The following SNX1 variants were observed in gnomAD, a reference collection of about 807,000 sequenced individuals.
The protein encoded by SNX1 is sorting nexin-1.
In SNX1, 36 loss-of-function variants were observed where a neutral mutation model predicts 71.8. The observed-to-expected ratio is 0.50, with a 90% CI of 0.38 to 0.66. The LOEUF (loss-of-function observed/expected upper bound fraction) is 0.66. SNX1 is among the 30% of genes least tolerant of loss of function. The pLI is 0.00. For synonymous variants in SNX1, 254 were observed against 240.7 expected (o/e 1.06, Z -0.51); for missense variants, 612 against 646.7 (o/e 0.95, Z 0.58).
Position 64,129,808 on chromosome 15 carries a change from A to T in SNX1, c.808-108A>T. On this transcript the variant is annotated intron_variant, in intron 8 of 14. Coordinates refer to ENST00000559844, the MANE Select transcript of SNX1 (RefSeq NM_003099.5). The surrounding 1 kb of genome is among the most constrained non-coding windows in gnomAD (Gnocchi z 4.4). ...CCTTTGAAAACAATTTACAGTTCAA[A>T]TAATTTGTCTGGCAAGTTTTGGCAT... 1.3e-6 allele frequency: 1 copy of T among 774,286 alleles called. No homozygotes were observed. The highest frequency in any genetic ancestry group is 2.3e-6 in the Non-Finnish European group (1 of 435,850). The allele number at this position is 774,286 out of a possible 1,614,324, so 48.0% of individuals were successfully genotyped here.
intron 4 of SNX1, among the ~76,000 whole-genome samples, chr15:64,119,999 A>G (rs1317762682): frequency 6.6e-6 from 1 of 152,168 alleles, no homozygotes; most frequent in Non-Finnish European, 1.5e-5. Context: ...ATCTTCAAAA[A>G]GCATAACACT....
intron 10 of SNX1, among the ~76,000 whole-genome samples, 184 bp downstream of exon 10, chr15:64,130,505 A>G (rs1326831590): frequency 3.3e-5 from 5 of 152,114 alleles, no homozygotes; most frequent in African/African-American, 4.8e-5. Flanking sequence ...ACATGATTCA[A>G]CCACTGTGGG....
chr15:64,137,458 T>G (rs1352488120), intron 14 of SNX1, 110 bp from the exon 15 acceptor site: 1 of 1,190,000 alleles, frequency 8.4e-7, no homozygotes, highest in African/African-American at 1.5e-5. Flanking sequence ...CCTGCCTTTG[T>G]GTGGCAGGCG....
chr15:64,126,165 G>A lies in SNX1; in HGVS notation c.597G>A (p.Glu199=), dbSNP rs746166562. 1 of 1,614,186 alleles carries A rather than the reference G, an allele frequency of 6.2e-7. No individual in the cohort carries two copies. The highest frequency in any genetic ancestry group is 1.1e-5 in the South Asian group (1 of 91,076). Residue 199 remains glutamate (E), a synonymous_variant, in exon 6 of 15, where the codon GAG becomes GAA. Coordinates refer to ENST00000559844, the MANE Select transcript of SNX1 (RefSeq NM_003099.5). Reference sequence around the variant, plus strand: ...TGGGTCTTTATGAGAAGCTTTCCGAGAAGCACTCTCAGAATGGCTTCATTG... The same window carrying A: ...TGGGTCTTTATGAGAAGCTTTCCGAAAAGCACTCTCAGAATGGCTTCATTG... The part of the protein sequence containing the change: ...DFLGLYEKLS[E]KHSQNGFIVP...
chr15:64,110,376 A>C (rs2081066645), intron 1 of SNX1, among the ~76,000 whole-genome samples: 1 of 152,092 alleles, frequency 6.6e-6, no homozygotes. Flanking sequence ...AAGGGAACAT[A>C]AGTCTGTTTT....
At chr15:64,132,741 AG>A (rs1328418286) in intron 11 of SNX1, among the ~76,000 whole-genome samples, 3 of 152,170 alleles carry the variant, frequency 2.0e-5, no homozygotes, top group Non-Finnish European at 4.4e-5. Context: ...ATCTCCCATT[AG>A]GGAGCTTGTG....
At chr15:64,106,949 TA>T (rs2081028803) in intron 1 of SNX1, among the ~76,000 whole-genome samples, 1 of 152,200 alleles carries the variant, frequency 6.6e-6, no homozygotes, top group Non-Finnish European at 1.5e-5. Flanking sequence ...GCAGCAGCAA[TA>T]AAAACTAATA....
chr15:64,136,993 T>C, intron 14 of SNX1, 61 bp downstream of exon 14: 2 of 1,378,822 alleles, frequency 1.5e-6, no homozygotes, highest in East Asian at 4.6e-5. Flanking sequence ...AGCTGCCTCC[T>C]CGGGGCTTCT....
intron 4 of SNX1, among the ~76,000 whole-genome samples, chr15:64,120,155 C>T (rs756940703): frequency 4.6e-5 from 7 of 152,004 alleles, no homozygotes; most frequent in Admixed American, 2.6e-4. Context: ...AACCTGTCTT[C>T]CTAAACAGGA....
In SNX1 at chr15:64,140,225, T is replaced by C; in HGVS notation, c.*2607T>C. 6.6e-6 allele frequency: 1 copy of C among 152,276 alleles called. No homozygotes were observed. Among genetic ancestry groups the C allele is most frequent in the Non-Finnish European group, 1.5e-5 (1 of 68,052 alleles). The allele number at this position is 152,276 out of a possible 1,614,324, so 9.4% of individuals were successfully genotyped here. On this transcript the variant is annotated 3_prime_UTR_variant, in exon 15 of 15. Transcript: ENST00000559844. Reference sequence around the variant, plus strand: ...TGACCAACATGATTTCCTAACTCCATAATGCCTTCTACATTTATTGGTTGA... The same window carrying C: ...TGACCAACATGATTTCCTAACTCCACAATGCCTTCTACATTTATTGGTTGA...
chr15:64,112,910 A>C (rs1374068708), intron 2 of SNX1, among the ~76,000 whole-genome samples: 2 of 152,192 alleles, frequency 1.3e-5, no homozygotes, highest in Non-Finnish European at 2.9e-5. Flanking sequence ...GGTGAGTTAA[A>C]CTGTTAAACA....
rs1567337196 is a variant in SNX1 at position 64,141,023 on chromosome 15, A to AGATAGATGGATG, written c.*3408_*3409insAGATGGATGGAT. On this transcript the variant is annotated 3_prime_UTR_variant, in exon 15 of 15. Transcript: ENST00000559844. This position sits in a 1 kb window ranked among gnomAD's most constrained non-coding sequence, Gnocchi z 5.1. ...TAGATAGATAGATAGATAGATAGAT[A>AGATAGATGGATG]GATGATAGATATAGATAGATAGATA... 6.6e-6 allele frequency: 1 copy of AGATAGATGGATG among 151,358 alleles called. No individual in the cohort carries two copies. Among genetic ancestry groups the AGATAGATGGATG allele is most frequent in the African/African-American group, 2.5e-5 (1 of 40,634 alleles). 9.4% of individuals were successfully genotyped at this position (151,358 alleles called of 1,614,324 possible).
chr15:64,119,463 C>T (rs2081169254), intron 4 of SNX1, among the ~76,000 whole-genome samples: 1 of 152,194 alleles, frequency 6.6e-6, no homozygotes, highest in Non-Finnish European at 1.5e-5. Flanking sequence ...GCCATGGTGG[C>T]TCACACCTGT....
At chr15:64,096,198 A>G in intron 1 of SNX1, 26 bp downstream of exon 1, 1 of 1,543,350 alleles carries the variant, frequency 6.5e-7, no homozygotes, top group South Asian at 1.2e-5. Context: ...TCGGGGTAGC[A>G]GGCGGGAGGG....
At position 64,142,597 on chromosome 15, in the gene SNX1, T is replaced by G. The variant is rs761067624; in HGVS notation, c.*4979T>G. ...GGAGGGGAGGCCGAAGAGGGGAAGTTTCATGCTTGATAATTAAAATTTTCT... is the reference window on the plus strand; with the variant it reads ...GGAGGGGAGGCCGAAGAGGGGAAGTGTCATGCTTGATAATTAAAATTTTCT... On this transcript the variant is annotated 3_prime_UTR_variant, in exon 15 of 15. Coordinates refer to ENST00000559844, the MANE Select transcript of SNX1 (RefSeq NM_003099.5). 2.2e-6 allele frequency: 1 copy of G among 455,828 alleles called. No individual in the cohort carries two copies. Among genetic ancestry groups the G allele is most frequent in the Non-Finnish European group, 4.4e-6 (1 of 226,700 alleles). The allele number at this position is 455,828 out of a possible 1,614,324, so 28.2% of individuals were successfully genotyped here.
At chr15:64,112,751 G>T in intron 2 of SNX1, 67 bp downstream of exon 2, 7 of 933,280 alleles carry the variant, frequency 7.5e-6, no homozygotes, top group African/African-American at 1.7e-5. Flanking sequence ...CTGAGTTAAA[G>T]TCAAAACCAA....
At chr15:64,135,616 G>A (rs1164739100) in intron 12 of SNX1, among the ~76,000 whole-genome samples, 1 of 151,744 alleles carries the variant, frequency 6.6e-6, no homozygotes, top group African/African-American at 2.4e-5. Context: ...AAAATTAGCT[G>A]GGCGTGGTAG....
intron 2 of SNX1, among the ~76,000 whole-genome samples, chr15:64,117,598 A>G (rs1183802626): frequency 6.6e-6 from 1 of 152,138 alleles, no homozygotes; most frequent in Admixed American, 6.5e-5. Context: ...GGGCTCATAT[A>G]ATGTTCTAAA....
At chr15:64,122,332 G>A (rs1430209234) in intron 4 of SNX1, among the ~76,000 whole-genome samples, 7 of 151,696 alleles carry the variant, frequency 4.6e-5, no homozygotes, top group African/African-American at 1.7e-4. Flanking sequence ...TTAATAAGGT[G>A]GTTTAGAAGA....
Sources: gnomAD v4.1 joint callset for allele counts (sites outside exome capture counted in the v4.1 genomes callset) on GRCh38, gnomAD v4.1.1 for gene constraint, Gnocchi (gnomAD v3.1) non-coding constraint, MANE v1.5 for transcripts, NCBI Gene and HGNC (gene_info 2026-07-23, HGNC 2026-07-21) for gene names.